NAALADL2: variants seen among roughly 807,000 people sequenced by gnomAD.
NAALADL2 encodes inactive N-acetylated-alpha-linked acidic dipeptidase-like protein 2.
NAALADL2 carries 76 observed loss-of-function variants against 87.2 expected under a neutral mutation model. The observed-to-expected ratio is 0.87, with a 90% CI of 0.72 to 1.05. The LOEUF (loss-of-function observed/expected upper bound fraction) is 1.05, where lower values mean the gene tolerates loss of function less well. NAALADL2 is among the 50% of genes least tolerant of loss of function. The probability of loss-of-function intolerance (pLI) is 0.00; values close to 1 mark genes in which losing one functional copy is unlikely to be tolerated. For synonymous variants in NAALADL2, 354 were observed against 331.0 expected, an observed-to-expected ratio of 1.07 and a Z score of -0.75; for missense variants, 1,089 against 945.8, an observed-to-expected ratio of 1.15 and a Z score of -1.99.
intron 1 of NAALADL2, among the ~76,000 whole-genome samples, chr3:175,058,241 T>C (rs942632858): frequency 6.6e-6 from 1 of 152,200 alleles, no homozygotes; most frequent in Non-Finnish European, 1.5e-5. Flanking sequence ...GTTTTCTAAA[T>C]CCAGAGAGAG....
intron 3 of NAALADL2, among the ~76,000 whole-genome samples, chr3:174,807,567 A>G (rs1719653157): frequency 6.6e-6 from 1 of 152,140 alleles, no homozygotes; most frequent in Non-Finnish European, 1.5e-5. Flanking sequence ...TAGCTTCAGC[A>G]CGTCTTCCAT....
chr3:174,842,006 GTTC>G (rs1016836819), intron 3 of NAALADL2, among the ~76,000 whole-genome samples: 1 of 149,380 alleles, frequency 6.7e-6, no homozygotes, highest in Non-Finnish European at 1.5e-5. Flanking sequence ...GCTTTTAATT[GTTC>G]TTCATTTTAT....
chr3:175,398,344 C>CTTTTGT (rs71920464), intron 5 of NAALADL2, among the ~76,000 whole-genome samples: 15 of 112,054 alleles, frequency 1.3e-4, no homozygotes, highest in African/African-American at 4.0e-4. Context: ...GCTTCTGCTA[C>CTTTTGT]TTTTTTTTTT....
rs547974304 is a variant in NAALADL2 at position 175,023,945 on chromosome 3, G to A, written c.44-72845G>A. Among the ~76,000 whole-genome samples, 7 of 152,110 alleles carry A rather than the reference G, an allele frequency of 4.6e-5. No homozygotes were observed. In the Middle Eastern group the frequency reaches 0.01, roughly 222 times the overall value. ...ATGGTTACTTTGTAAAGGTAACAGA[G>A]TTTTGAGATTATACAATTCTGTGGG... On this transcript the variant is annotated intron_variant, in intron 1 of 13. Coordinates refer to ENST00000454872, the MANE Select transcript of NAALADL2 (RefSeq NM_207015.3).
chr3:174,631,626 A>G (rs1038646725), intron 2 of NAALADL2, among the ~76,000 whole-genome samples: 2 of 152,236 alleles, frequency 1.3e-5, no homozygotes, highest in Non-Finnish European at 2.9e-5. Context: ...AGAAATATAG[A>G]AAAACATAAA....
In NAALADL2 at chr3:175,153,985, G is replaced by C. The variant is rs1241199494; in HGVS notation, c.545+56694G>C. Among the ~76,000 whole-genome samples the C allele has an allele frequency of 2.0e-5, 3 of 152,134 alleles. No homozygotes were observed. In the East Asian group the frequency reaches 5.8e-4, roughly 29 times the overall value. On this transcript the variant is annotated intron_variant, in intron 2 of 13. Coordinates refer to ENST00000454872, the MANE Select transcript of NAALADL2 (RefSeq NM_207015.3). ...CAATTAGACTTTTTCTAAACATATG[G>C]GGATTTAAAAAATTCTCATCTTTTT... is the stretch of plus-strand genomic sequence containing the variant.
At chr3:174,481,958 T>C (rs1717580456) in intron 1 of NAALADL2, among the ~76,000 whole-genome samples, 1 of 151,994 alleles carries the variant, frequency 6.6e-6, no homozygotes, top group Admixed American at 6.6e-5. Flanking sequence ...TTAGCATAAA[T>C]TATGTTGTGT....
At chr3:175,718,580 T>A (rs1214896529) in intron 11 of NAALADL2, 1 of 1,593,368 alleles carries the variant, frequency 6.3e-7, no homozygotes, top group African/African-American at 1.3e-5. Context: ...AACTGTGCCA[T>A]CTCCTACTCC....
At chr3:175,407,396 T>G (rs1202710220) in intron 5 of NAALADL2, among the ~76,000 whole-genome samples, 1 of 152,192 alleles carries the variant, frequency 6.6e-6, no homozygotes, top group Non-Finnish European at 1.5e-5. Context: ...AATCTGCTTA[T>G]ATTCCATGTA....
rs115245288 is a variant in NAALADL2 at position 175,190,638 on chromosome 3, C to T, written c.546-43293C>T. On this transcript the variant is annotated intron_variant, in intron 2 of 13. Transcript: ENST00000454872. ...AAACAATATGGTACCAGAAGTGAGGCAGTTACCAGGAGAAAATAAAAAGAT... is the reference window on the plus strand; with the variant it reads ...AAACAATATGGTACCAGAAGTGAGGTAGTTACCAGGAGAAAATAAAAAGAT... Among the ~76,000 whole-genome samples, 1,159 of 152,136 alleles carry T rather than the reference C, an allele frequency of 7.6e-3. 15 individuals carry two copies. Among genetic ancestry groups the T allele is most frequent in the African/African-American group, 0.026 (1,074 of 41,502 alleles).
intron 3 of NAALADL2, among the ~76,000 whole-genome samples, chr3:174,789,867 G>T (rs188223375): frequency 1.3e-4 from 20 of 152,300 alleles, no homozygotes; most frequent in Admixed American, 1.2e-3. Context: ...TCTGAGTTCA[G>T]CTGTCACAAA....
intron 2 of NAALADL2, among the ~76,000 whole-genome samples, chr3:174,633,663 C>T (rs964481027): frequency 6.6e-6 from 1 of 152,164 alleles, no homozygotes; most frequent in East Asian, 1.9e-4. Flanking sequence ...AGGCAAATTA[C>T]TTTGGGATCT....
chr3:175,222,847 A>C (rs1743583140), intron 2 of NAALADL2, among the ~76,000 whole-genome samples: 1 of 152,172 alleles, frequency 6.6e-6, no homozygotes, highest in Non-Finnish European at 1.5e-5. Flanking sequence ...AAACATTTAG[A>C]GAGAAGAGTG....
At chr3:174,480,881 C>T (rs1282412178) in intron 1 of NAALADL2, among the ~76,000 whole-genome samples, 1 of 151,946 alleles carries the variant, frequency 6.6e-6, no homozygotes, top group Admixed American at 6.6e-5. Context: ...GATAAGGACT[C>T]CTTGTACATA....
chr3:174,902,325 T>C (rs956451406), intron 1 of NAALADL2, among the ~76,000 whole-genome samples: 8 of 152,162 alleles, frequency 5.3e-5, no homozygotes, highest in Non-Finnish European at 7.3e-5. Flanking sequence ...CCTTGTGTTA[T>C]AGAACAGGTT....
chr3:174,895,549 T>C (rs1015965895), intron 1 of NAALADL2, among the ~76,000 whole-genome samples: 2 of 152,070 alleles, frequency 1.3e-5, no homozygotes, highest in Admixed American at 1.3e-4. Flanking sequence ...ATTCTTCCAG[T>C]AAAGAAAAGC....
chr3:175,374,425 G>A (rs1161993506), intron 5 of NAALADL2, among the ~76,000 whole-genome samples: 1 of 150,612 alleles, frequency 6.6e-6, no homozygotes, highest in African/African-American at 2.4e-5. Flanking sequence ...TTGGTGGCGG[G>A]TGCTTGTAAT....
At chr3:174,880,548 C>T (rs533327586) in intron 1 of NAALADL2, among the ~76,000 whole-genome samples, 22 of 152,146 alleles carry the variant, frequency 1.4e-4, no homozygotes, top group East Asian at 1.4e-3. Flanking sequence ...GGTTACCTTA[C>T]TTCTACCCTT....
At chr3:175,289,930 TAAAC>T (rs1167041885) in intron 4 of NAALADL2, among the ~76,000 whole-genome samples, 1 of 152,150 alleles carries the variant, frequency 6.6e-6, no homozygotes, top group Admixed American at 6.5e-5. Flanking sequence ...AAAGACTATT[TAAAC>T]AAACAAATTA....
Sources: gnomAD v4.1 joint callset for allele counts (sites outside exome capture counted in the v4.1 genomes callset) on GRCh38, gnomAD v4.1.1 for gene constraint, MANE v1.5 for transcripts, NCBI Gene and HGNC (gene_info 2026-07-23, HGNC 2026-07-21) for gene names.